The following BBX variants were observed in gnomAD, a reference collection of about 807,000 sequenced individuals.
BBX encodes BBX high mobility group box domain containing.
BBX carries 30 observed loss-of-function variants against 100.2 expected under a neutral mutation model. That is an observed-to-expected ratio of 0.30 (90% CI 0.22 to 0.41). The LOEUF (loss-of-function observed/expected upper bound fraction) is 0.41. Among genes scored for constraint, BBX ranks in the 10% least tolerant of loss-of-function variants. The pLI is 1.00. For synonymous variants in BBX, 376 were observed against 388.1 expected (o/e 0.97, Z 0.37); for missense variants, 1,023 against 1,129.8 (o/e 0.91, Z 1.35).
At chr3:107,772,596 G>C in intron 10 of BBX, 32 bp from the exon 11 acceptor site, 5 of 1,531,160 alleles carry the variant, frequency 3.3e-6, no homozygotes, top group Non-Finnish European at 4.4e-6. Flanking sequence ...GGATACTTTC[G>C]GGTGCTCTCC....
intron 12 of BBX, among the ~76,000 whole-genome samples, chr3:107,776,019 G>T (rs887375230): frequency 6.6e-6 from 1 of 151,972 alleles, no homozygotes; most frequent in Non-Finnish European, 1.5e-5. Context: ...CTTAAGTAAT[G>T]ACATGAAAAT....
intron 10 of BBX, among the ~76,000 whole-genome samples, chr3:107,759,032 C>T (rs1298727262): frequency 6.6e-6 from 1 of 152,048 alleles, no homozygotes; most frequent in Non-Finnish European, 1.5e-5. Context: ...ATATTTGGGG[C>T]ATATATTTAC....
At chr3:107,755,739 A>G (rs1329088947) in intron 10 of BBX, 61 bp downstream of exon 10, 12 of 1,391,524 alleles carry the variant, frequency 8.6e-6, no homozygotes, top group East Asian at 2.3e-5. Context: ...AAAATATTCT[A>G]ACAGTGTTTC....
At chr3:107,713,224 C>G (rs1452416835) in intron 4 of BBX, among the ~76,000 whole-genome samples, 1 of 152,212 alleles carries the variant, frequency 6.6e-6, no homozygotes, top group Non-Finnish European at 1.5e-5. Context: ...TGTCCCTGTT[C>G]TCACTTCTCT....
At chr3:107,598,961 C>G (rs2053859604) in intron 2 of BBX, among the ~76,000 whole-genome samples, 1 of 152,066 alleles carries the variant, frequency 6.6e-6, no homozygotes. Flanking sequence ...AGCCTGGGGC[C>G]CTCTGGCCCC....
intron 7 of BBX, among the ~76,000 whole-genome samples, chr3:107,741,035 C>A (rs2064056597): frequency 6.7e-6 from 1 of 150,292 alleles, no homozygotes; most frequent in East Asian, 1.9e-4. Context: ...GTCATAGGTG[C>A]CTATTAAATA....
At chr3:107,541,971 C>T (rs2048898150) in intron 2 of BBX, among the ~76,000 whole-genome samples, 1 of 151,954 alleles carries the variant, frequency 6.6e-6, no homozygotes, top group Admixed American at 6.6e-5. Context: ...GTGTTTGTCA[C>T]CACGACTGGA....
chr3:107,733,287 T>A (rs1327191631), intron 7 of BBX, among the ~76,000 whole-genome samples: 2 of 152,184 alleles, frequency 1.3e-5, no homozygotes, highest in Non-Finnish European at 2.9e-5. Flanking sequence ...TATAGATCAC[T>A]GGTGTTTGCA....
chr3:107,675,476 G>T lies in BBX; in HGVS notation c.-10+29567G>T, dbSNP rs568736804. 4.6e-5 allele frequency among the ~76,000 whole-genome samples: 7 copies of T among 152,194 alleles called. No individual in the cohort carries two copies. In the East Asian group the frequency reaches 1.4e-3, roughly 29 times the overall value. On this transcript the variant is annotated intron_variant, in intron 3 of 17. Coordinates refer to ENST00000325805, the MANE Select transcript of BBX (RefSeq NM_001142568.3). Reference sequence around the variant, plus strand: ...GATGAGTCTGTTCTGTTGTCTCTCAGTCCCCTTGTCAAAACCACTGATCTG... The same window carrying T: ...GATGAGTCTGTTCTGTTGTCTCTCATTCCCCTTGTCAAAACCACTGATCTG...
At chr3:107,579,588 C>G (rs1159540636) in intron 2 of BBX, among the ~76,000 whole-genome samples, 1 of 152,236 alleles carries the variant, frequency 6.6e-6, no homozygotes, top group African/African-American at 2.4e-5. Context: ...GGTCTTTTCA[C>G]ACAGATGTTG....
chr3:107,547,539 C>T (rs1353822002), intron 2 of BBX, among the ~76,000 whole-genome samples: 15 of 152,042 alleles, frequency 9.9e-5, no homozygotes, highest in Admixed American at 9.8e-4. Context: ...TGAAACCTAT[C>T]CCAGTTGGTT....
At chr3:107,665,450 T>C (rs1447453493) in intron 3 of BBX, among the ~76,000 whole-genome samples, 1 of 152,124 alleles carries the variant, frequency 6.6e-6, no homozygotes, top group African/African-American at 2.4e-5. Flanking sequence ...GAAAAACGCT[T>C]TGTCACTGTC....
At chr3:107,681,283 A>G (rs1393515060) in intron 3 of BBX, among the ~76,000 whole-genome samples, 1 of 152,170 alleles carries the variant, frequency 6.6e-6, no homozygotes, top group Non-Finnish European at 1.5e-5. Flanking sequence ...TGTTCCTGGA[A>G]ATAGATGGGG....
At chr3:107,768,997 G>A (rs773802929) in intron 10 of BBX, among the ~76,000 whole-genome samples, 7 of 62,894 alleles carry the variant, frequency 1.1e-4, no homozygotes, top group Non-Finnish European at 2.7e-4. Flanking sequence ...TATTCTCTAC[G>A]GGTGGGGGGC....
chr3:107,627,639 T>G (rs2056277407), intron 2 of BBX, among the ~76,000 whole-genome samples: 1 of 152,160 alleles, frequency 6.6e-6, no homozygotes, highest in Non-Finnish European at 1.5e-5. Context: ...CATTTAAACT[T>G]TTACTTTCTC....
chr3:107,792,134 G>T (rs1362515176), intron 15 of BBX, among the ~76,000 whole-genome samples: 1 of 152,194 alleles, frequency 6.6e-6, no homozygotes, highest in Non-Finnish European at 1.5e-5. Flanking sequence ...TTACTGTTAA[G>T]CATTGAGCCC....
At chr3:107,722,356 C>T (rs2107444837) in intron 5 of BBX, among the ~76,000 whole-genome samples, 2 of 151,968 alleles carry the variant, frequency 1.3e-5, no homozygotes, top group Admixed American at 6.6e-5. Context: ...CACTGTCCAC[C>T]TTTTTAAAAG....
chr3:107,601,991 A>G (rs1439841435), intron 2 of BBX, among the ~76,000 whole-genome samples: 1 of 152,224 alleles, frequency 6.6e-6, no homozygotes, highest in Non-Finnish European at 1.5e-5. Flanking sequence ...CAAAAATATC[A>G]GGACTCTTAA....
chr3:107,530,994 A>AT (rs2048122344), intron 2 of BBX, among the ~76,000 whole-genome samples: 1 of 152,198 alleles, frequency 6.6e-6, no homozygotes, highest in Admixed American at 6.5e-5. Context: ...ATCCTTTGAT[A>AT]TTCTCATTCA....
Sources: gnomAD v4.1 joint callset for allele counts (sites outside exome capture counted in the v4.1 genomes callset) on GRCh38, gnomAD v4.1.1 for gene constraint, MANE v1.5 for transcripts, NCBI Gene and HGNC (gene_info 2026-07-23, HGNC 2026-07-21) for gene names.